Variants in ZMAT4 observed in about 807,000 individuals in gnomAD.
ZMAT4 encodes the protein zinc finger matrin-type protein 4.
ZMAT4 carries 17 observed loss-of-function variants against 28.7 expected under a neutral mutation model. The ratio of observed to expected loss-of-function variants is 0.59; its 90% confidence interval spans 0.41 to 0.89. The LOEUF is 0.89. Among genes scored for constraint, ZMAT4 ranks in the 40% least tolerant of loss-of-function variants. The pLI is 0.00. For missense variants in ZMAT4, 240 were observed against 283.8 expected (o/e 0.85, Z 1.11); for synonymous variants, 117 against 109.2 (o/e 1.07, Z -0.44).
chr8:40,697,200 A>G (rs780490193), intron 4 of ZMAT4, 45 bp downstream of exon 4: 10 of 1,523,836 alleles, frequency 6.6e-6, no homozygotes, highest in Non-Finnish European at 8.8e-6. Context: ...ACAGGCCAGC[A>G]CTTGGTTTTC....
At chr8:40,591,866 A>G (rs1010134381) in intron 5 of ZMAT4, among the ~76,000 whole-genome samples, 8 of 152,176 alleles carry the variant, frequency 5.3e-5, no homozygotes, top group African/African-American at 1.9e-4. Context: ...TGAGAAAACC[A>G]TGGTTCAAAG....
intron 1 of ZMAT4, among the ~76,000 whole-genome samples, chr8:40,838,089 A>G (rs1255732773): frequency 6.6e-6 from 1 of 152,256 alleles, no homozygotes; most frequent in East Asian, 1.9e-4. Flanking sequence ...GATGACAGAC[A>G]GCTGGGCCAT....
At chr8:40,868,574 A>G (rs1817749810) in intron 1 of ZMAT4, among the ~76,000 whole-genome samples, 1 of 152,224 alleles carries the variant, frequency 6.6e-6, no homozygotes, top group African/African-American at 2.4e-5. Context: ...AGTGGCAGCC[A>G]ATACAAGAAA....
At chr8:40,842,076 C>A (rs937206026) in intron 1 of ZMAT4, among the ~76,000 whole-genome samples, 2 of 152,196 alleles carry the variant, frequency 1.3e-5, no homozygotes, top group African/African-American at 4.8e-5. Flanking sequence ...CTTCCCTCCC[C>A]CAAGCCCCAC....
chr8:40,782,733 A>T (rs1813890500), intron 2 of ZMAT4, among the ~76,000 whole-genome samples: 1 of 152,276 alleles, frequency 6.6e-6, no homozygotes, highest in South Asian at 2.1e-4. Flanking sequence ...GCGAGTTGTG[A>T]GGCTTGAGGG....
intron 5 of ZMAT4, among the ~76,000 whole-genome samples, chr8:40,588,475 T>C (rs893133011): frequency 6.6e-6 from 1 of 152,096 alleles, no homozygotes; most frequent in Non-Finnish European, 1.5e-5. Flanking sequence ...ATTTATTACA[T>C]GTATCATAAA....
chr8:40,681,146 G>T (rs984464684), intron 4 of ZMAT4, among the ~76,000 whole-genome samples: 13 of 152,146 alleles, frequency 8.5e-5, no homozygotes, highest in African/African-American at 2.9e-4. Context: ...AAGCAGCAGA[G>T]GAAGTGGTAA....
intron 3 of ZMAT4, among the ~76,000 whole-genome samples, chr8:40,751,782 C>T (rs1812463418): frequency 6.6e-6 from 1 of 152,054 alleles, no homozygotes; most frequent in African/African-American, 2.4e-5. Context: ...TTCTGTTGCT[C>T]TGTAAGACTT....
chr8:40,713,521 CTAT>C (rs1360414794), intron 3 of ZMAT4, among the ~76,000 whole-genome samples: 1 of 151,774 alleles, frequency 6.6e-6, no homozygotes, highest in African/African-American at 2.4e-5. Context: ...AAATGCTTAG[CTAT>C]ATAAAGAACA....
chr8:40,804,937 C>T (rs1815013299), intron 2 of ZMAT4, among the ~76,000 whole-genome samples: 1 of 151,634 alleles, frequency 6.6e-6, no homozygotes, highest in African/African-American at 2.4e-5. Flanking sequence ...ACCAATATTT[C>T]TCAAGTGTAA....
At chr8:40,657,813 G>C (rs1434012326) in intron 5 of ZMAT4, among the ~76,000 whole-genome samples, 1 of 152,130 alleles carries the variant, frequency 6.6e-6, no homozygotes, top group South Asian at 2.1e-4. Context: ...TATTGAAGAC[G>C]TTAAGTGAGG....
intron 6 of ZMAT4, among the ~76,000 whole-genome samples, chr8:40,552,647 G>A (rs574257717): frequency 2.0e-5 from 3 of 152,146 alleles, no homozygotes; most frequent in Non-Finnish European, 4.4e-5. Flanking sequence ...TCTACTGGGA[G>A]AACTTGAGAC....
chr8:40,770,491 T>G (rs1813342912), intron 2 of ZMAT4, among the ~76,000 whole-genome samples: 1 of 149,338 alleles, frequency 6.7e-6, no homozygotes, highest in Admixed American at 6.7e-5. Context: ...CCTTCCTTCC[T>G]CCCTCCCTCC....
At position 40,775,981 on chromosome 8, in the gene ZMAT4, A is replaced by G. The variant is rs185556426; in HGVS notation, c.103-8251T>C. On this transcript the variant is annotated intron_variant, in intron 2 of 6. Coordinates refer to ENST00000297737, the MANE Select transcript of ZMAT4 (RefSeq NM_024645.3). ...GCAAGAAGGCGGCTGTCTACACGCC[A>G]GGAGAGAGCCATCGCCAGAAACCGA... Among the ~76,000 whole-genome samples, 989 of 152,282 alleles carry G rather than the reference A, an allele frequency of 6.5e-3. 15 individuals are homozygous for G. Among genetic ancestry groups the G allele is most frequent in the African/African-American group, 0.022 (930 of 41,544 alleles).
At chr8:40,598,540 T>A (rs6980759) in intron 5 of ZMAT4, among the ~76,000 whole-genome samples, 31,295 of 152,158 alleles carry the variant, frequency 0.21, 3,340 homozygotes, top group Middle Eastern at 0.26. Context: ...AAGGACATGA[T>A]CTCATTCTTT....
chr8:40,732,535 C>T (rs957022226), intron 3 of ZMAT4, among the ~76,000 whole-genome samples: 4 of 152,240 alleles, frequency 2.6e-5, no homozygotes, highest in Admixed American at 2.0e-4. Context: ...GGACTCTTCT[C>T]CCTGGTAGGA....
At chr8:40,580,060 T>C (rs906822086) in intron 6 of ZMAT4, among the ~76,000 whole-genome samples, 2 of 144,362 alleles carry the variant, frequency 1.4e-5, no homozygotes, top group African/African-American at 5.1e-5. Flanking sequence ...TCACCCAGGC[T>C]GGAGTGCAGT....
At chr8:40,667,389 C>T (rs1324115423) in intron 5 of ZMAT4, among the ~76,000 whole-genome samples, 1 of 152,122 alleles carries the variant, frequency 6.6e-6, no homozygotes, top group African/African-American at 2.4e-5. Context: ...CTCCTGACCT[C>T]GTGATCCACC....
intron 5 of ZMAT4, among the ~76,000 whole-genome samples, chr8:40,616,794 A>C (rs1162449344): frequency 6.6e-6 from 1 of 151,764 alleles, no homozygotes; most frequent in Non-Finnish European, 1.5e-5. Flanking sequence ...CTAAATGACG[A>C]GTTAATGGGT....
Sources: gnomAD v4.1 joint callset for allele counts (sites outside exome capture counted in the v4.1 genomes callset) on GRCh38, gnomAD v4.1.1 for gene constraint, MANE v1.5 for transcripts, NCBI Gene and HGNC (gene_info 2026-07-23, HGNC 2026-07-21) for gene names.